Variants in PDIA6 observed in about 807,000 individuals in gnomAD.
PDIA6 encodes the protein protein disulfide isomerase family A member 6, also known as protein disulfide-isomerase A6.
PDIA6 carries 29 observed loss-of-function variants against 58.4 expected under a neutral mutation model. That is an observed-to-expected ratio of 0.50 (90% CI 0.37 to 0.68). PDIA6 has a LOEUF of 0.68. Among genes scored for constraint, PDIA6 ranks in the 30% least tolerant of loss-of-function variants. The pLI is 0.00. For missense variants in PDIA6, 480 were observed against 551.0 expected, an observed-to-expected ratio of 0.87 and a Z score of 1.29; for synonymous variants, 192 against 202.6, an observed-to-expected ratio of 0.95 and a Z score of 0.44.
At chr2:10,827,823 C>CAAA (rs5829279) in intron 1 of PDIA6, among the ~76,000 whole-genome samples, 2 of 120,298 alleles carry the variant, frequency 1.7e-5, no homozygotes, top group African/African-American at 7.6e-5. Context: ...GACTCTGTCT[C>CAAA]AAAAAAAAAA....
chr2:10,790,625 T>TC, intron 7 of PDIA6, 94 bp downstream of exon 7: 1 of 846,944 alleles, frequency 1.2e-6, no homozygotes, highest in Non-Finnish European at 2.0e-6. Flanking sequence ...TTTAAACATC[T>TC]CCTTTACTAC....
Position 10,830,844 on chromosome 2 carries a change from G to A in PDIA6, c.-48+1358C>T, listed in dbSNP as rs570428992. On this transcript the variant is annotated intron_variant, in intron 1 of 13. Transcript: ENST00000381611. ...CTGAGGTCTGCCTGGTGCCACCCCC[G>A]CCGGCTGGTGGCTCAGGAGGCACAC... Among the ~76,000 whole-genome samples, 5 of 152,302 alleles carry A rather than the reference G, an allele frequency of 3.3e-5. No homozygotes were observed. The South Asian group carries it at 6.2e-4, about 19-fold the overall frequency.
intron 1 of PDIA6, among the ~76,000 whole-genome samples, chr2:10,807,378 A>AT (rs1666808888): frequency 6.6e-6 from 1 of 152,052 alleles, no homozygotes; most frequent in Non-Finnish European, 1.5e-5. Flanking sequence ...TAACTTTTAA[A>AT]TTTTTTGTAG....
At chr2:10,830,762 G>A (rs547641121) in intron 1 of PDIA6, among the ~76,000 whole-genome samples, 1 of 152,186 alleles carries the variant, frequency 6.6e-6, no homozygotes, top group South Asian at 2.1e-4. Flanking sequence ...CCCCCTGCGC[G>A]GGCGTGGCTG....
At chr2:10,818,336 G>GT (rs1667265760) in intron 2 of PDIA6, among the ~76,000 whole-genome samples, 1 of 145,980 alleles carries the variant, frequency 6.9e-6, no homozygotes, top group Admixed American at 6.9e-5. Context: ...ACTAATTTCT[G>GT]TATTTTTTTT....
At chr2:10,795,956 T>G (rs1666247094) in intron 4 of PDIA6, among the ~76,000 whole-genome samples, 1 of 152,224 alleles carries the variant, frequency 6.6e-6, no homozygotes, top group African/African-American at 2.4e-5. Flanking sequence ...TTAGTCATAA[T>G]TTCAGCTTCA....
At chr2:10,786,404 G>A (rs10205613) in intron 11 of PDIA6, among the ~76,000 whole-genome samples, 8,290 of 152,072 alleles carry the variant, frequency 0.055, 646 homozygotes, top group African/African-American at 0.17. Context: ...TCTGCCCCCC[G>A]CCGGCAGAGG....
In PDIA6 at chr2:10,809,645, CAAAAAAAAAAAAAAA is replaced by C. The variant is rs56308831; in HGVS notation, c.19+3018_19+3032del. On this transcript the variant is annotated intron_variant, in intron 1 of 12. Transcript: ENST00000272227. ...TGGGAGGCAGAGCAAGACCCGGTCT[CAAAAAAAAAAAAAAA>C]AAAAAAAAAAAACCCAAAAAATAGG... 7.7e-5 allele frequency among the ~76,000 whole-genome samples: 5 copies of C among 64,664 alleles called. No homozygotes were observed. The South Asian group carries it at 4.1e-3, about 53-fold the overall frequency. 42.4% of individuals were successfully genotyped at this position (64,664 alleles called of 152,430 possible).
At chr2:10,834,874 C>G (rs1436250914), upstream of PDIA6, among the ~76,000 whole-genome samples, 3 of 152,040 alleles carry the variant, frequency 2.0e-5, no homozygotes, top group African/African-American at 7.2e-5. Context: ...TCAAGAGATT[C>G]TCTTGCCTCA....
At chr2:10,830,111 A>G (rs2969887) in intron 1 of PDIA6, among the ~76,000 whole-genome samples, 87,026 of 152,002 alleles carry the variant, frequency 0.57, 26,247 homozygotes, top group African/African-American at 0.75. Context: ...CCTGGGAGGT[A>G]GAGGGGCCGC....
intron 4 of PDIA6, 60 bp downstream of exon 4, chr2:10,797,021 G>T (rs528838121): frequency 1.7e-5 from 25 of 1,495,148 alleles, no homozygotes; most frequent in South Asian, 1.5e-4. Context: ...TCTCAAGCTT[G>T]TTAAAGAACA....
intron 1 of PDIA6, among the ~76,000 whole-genome samples, chr2:10,829,675 G>A (rs1667650138): frequency 6.6e-6 from 1 of 152,124 alleles, no homozygotes; most frequent in African/African-American, 2.4e-5. Flanking sequence ...TTTCTGGCCT[G>A]GGCTATTGCA....
chr2:10,802,752 G>T, intron 1 of PDIA6, 112 bp from the exon 2 acceptor site: 1 of 774,250 alleles, frequency 1.3e-6, no homozygotes, highest in Non-Finnish European at 1.8e-6. Flanking sequence ...ACAGGAGGAC[G>T]GCCTAGCTCT....
chr2:10,801,163 C>G (rs1026167100), intron 2 of PDIA6, among the ~76,000 whole-genome samples: 1 of 152,026 alleles, frequency 6.6e-6, no homozygotes, highest in Admixed American at 6.6e-5. Context: ...CCTGTAGTAC[C>G]AGTGCTGGGG....
intron 2 of PDIA6, among the ~76,000 whole-genome samples, chr2:10,798,919 T>C (rs530175045): frequency 6.6e-6 from 1 of 152,268 alleles, no homozygotes; most frequent in African/African-American, 2.4e-5. Context: ...CTTCTGGACT[T>C]AGAAACACAT....
intron 1 of PDIA6, among the ~76,000 whole-genome samples, chr2:10,809,099 G>A (rs1384019645): frequency 3.3e-5 from 5 of 152,162 alleles, no homozygotes; most frequent in African/African-American, 7.2e-5. Flanking sequence ...GTGAGCCACC[G>A]TGCCCGGCCT....
At chr2:10,809,399 G>C (rs991400422) in intron 1 of PDIA6, among the ~76,000 whole-genome samples, 10 of 152,094 alleles carry the variant, frequency 6.6e-5, no homozygotes, top group Admixed American at 1.3e-4. Context: ...GACTAAGGCT[G>C]GGTGTGGTGG....
intron 1 of PDIA6, chr2:10,821,040 G>T (rs547949596): frequency 4.2e-4 from 225 of 537,138 alleles, no homozygotes; most frequent in African/African-American, 4.1e-3. Flanking sequence ...CCAGTGAGGA[G>T]ATGGCCACAG....
At chr2:10,810,740 G>A (rs1040237067) in intron 1 of PDIA6, among the ~76,000 whole-genome samples, 1 of 152,110 alleles carries the variant, frequency 6.6e-6, no homozygotes, top group Non-Finnish European at 1.5e-5. Flanking sequence ...TGGACATTCT[G>A]AATGCATAAA....
Sources: allele counts gnomAD v4.1 joint callset (sites outside exome capture counted in the v4.1 genomes callset), GRCh38; gene constraint gnomAD v4.1.1; transcripts MANE v1.5; gene names NCBI Gene and HGNC (gene_info 2026-07-23, HGNC 2026-07-21).